ZNF638: variants seen among roughly 807,000 people sequenced by gnomAD.
ZNF638 encodes the protein zinc finger protein 638, also known as CTCL tumor antigen se33-1.
ZNF638 carries 46 observed loss-of-function variants against 195.6 expected under a neutral mutation model. The ratio of observed to expected loss-of-function variants is 0.24; its 90% confidence interval spans 0.19 to 0.30. The LOEUF is 0.30. ZNF638 is among the 10% of genes least tolerant of loss of function. ZNF638 has a pLI of 1.00. For synonymous variants in ZNF638, 845 were observed against 772.0 expected, an observed-to-expected ratio of 1.09 and a Z score of -1.57; for missense variants, 2,440 against 2,325.3, an observed-to-expected ratio of 1.05 and a Z score of -1.01.
intron 8 of ZNF638, among the ~76,000 whole-genome samples, chr2:71,379,337 C>T (rs1187177472): frequency 2.0e-5 from 3 of 152,136 alleles, no homozygotes; most frequent in Non-Finnish European, 4.4e-5. Flanking sequence ...TTAAACTGTG[C>T]CCTGTTCTGA....
chr2:71,402,236 T>TA, intron 16 of ZNF638, 149 bp downstream of exon 16: 1 of 762,620 alleles, frequency 1.3e-6, no homozygotes, highest in Non-Finnish European at 1.9e-6. Flanking sequence ...AAAACACAGA[T>TA]ATCCTGTATT....
intron 1 of ZNF638, among the ~76,000 whole-genome samples, chr2:71,335,823 T>C (rs566412334): frequency 9.2e-5 from 14 of 152,204 alleles, no homozygotes; most frequent in Non-Finnish European, 1.9e-4. Flanking sequence ...CAGACAGATA[T>C]CAAATTTCCC....
chr2:71,428,901 T>G, intron 25 of ZNF638: 1 of 312,180 alleles, frequency 3.2e-6, no homozygotes, highest in Non-Finnish European at 5.9e-6. Context: ...TGTTGCAGCA[T>G]CAGATAGAAA....
intron 6 of ZNF638, among the ~76,000 whole-genome samples, chr2:71,366,677 AG>A (rs920992047): frequency 1.3e-5 from 2 of 152,178 alleles, no homozygotes; most frequent in African/African-American, 4.8e-5. Context: ...AATCTTTTTT[AG>A]TAAGGTATAA....
In ZNF638 at chr2:71,364,217, C is replaced by G; in HGVS notation, c.1682C>G (p.Pro561Arg). The G allele has an allele frequency of 1.9e-6, 3 of 1,614,098 alleles. No individual in the cohort carries two copies. The highest frequency in any genetic ancestry group is 1.1e-5 in the South Asian group (1 of 91,072). ...CCAAAATGCTTTCGATCAGTTAGCC[C>G]TGAGAGGATGTCAAGGAGATCAGTG... ...GSPKCFRSVS[P>R]ERMSRRSVRS... is the part of the protein sequence containing the mutation. Residue 561 changes from proline to arginine, a missense_variant, in exon 5 of 28, where the codon CCT becomes CGT. Physicochemically the swap from Pro to Arg is moderately radical, Grantham distance 103. This residue lies in a region of ZNF638 where 1,883 missense variants were observed against 1,739.1 expected (regional missense o/e 1.08). Coordinates refer to ENST00000264447, the MANE Select transcript of ZNF638 (RefSeq NM_014497.5).
In ZNF638 at chr2:71,433,256, G is replaced by T. The variant is rs1185585138; in HGVS notation, c.5844G>T (p.Lys1948Asn). 1 of 1,613,776 alleles carries T rather than the reference G, an allele frequency of 6.2e-7. No individual in the cohort carries two copies. The highest frequency in any genetic ancestry group is 8.5e-7 in the Non-Finnish European group (1 of 1,179,724). ...AAAAAGCAATGACAAATCACTGCAA[G>T]AGTACACGTCATAAGCAAAATACTG... ...SGEKAMTNHC[K>N]STRHKQNTEK... The change falls in exon 27 of 28, where the codon AAG becomes AAT. Residue 1948 changes from lysine to asparagine, a missense_variant. This residue lies in a region of ZNF638 where 1,883 missense variants were observed against 1,739.1 expected (regional missense o/e 1.08). Coordinates refer to ENST00000264447, the MANE Select transcript of ZNF638 (RefSeq NM_014497.5).
rs2079246636 is a variant in ZNF638 at position 71,368,481 on chromosome 2, C to T, written c.2095C>T (p.Pro699Ser). ...AGAAGATGTGAGAAAATTATTTCAA[C>T]CATTTGGGAAAGTGAATGATGTCCT... ...TEEDVRKLFQ[P>S]FGKVNDVLIV... Residue 699 changes from proline to serine, a missense_variant, in exon 7 of 28, where the codon CCA (proline) becomes TCA (serine). By Grantham distance (74) the Pro-to-Ser change is moderately conservative. Coordinates refer to ENST00000264447, the MANE Select transcript of ZNF638 (RefSeq NM_014497.5). The T allele has an allele frequency of 1.2e-6, 2 of 1,613,400 alleles. No individual in the cohort carries two copies. Among genetic ancestry groups the T allele is most frequent in the Non-Finnish European group, 1.7e-6 (2 of 1,179,732 alleles).
At chr2:71,434,712 G>A (rs750873302) in intron 27 of ZNF638, 30 bp from the exon 28 acceptor site, 13 of 1,582,528 alleles carry the variant, frequency 8.2e-6, no homozygotes, top group Non-Finnish European at 9.5e-6. Flanking sequence ...CGTCTAATAA[G>A]TATTTTATAT....
intron 1 of ZNF638, among the ~76,000 whole-genome samples, chr2:71,339,290 T>G (rs374283649): frequency 4.6e-5 from 7 of 152,132 alleles, no homozygotes; most frequent in African/African-American, 1.7e-4. Context: ...GTGGCTGGGA[T>G]TACAGGCGCC....
intron 10 of ZNF638, among the ~76,000 whole-genome samples, chr2:71,391,083 A>G (rs907617431): frequency 1.3e-5 from 2 of 152,206 alleles, no homozygotes; most frequent in African/African-American, 4.8e-5. Context: ...TTCAGCAATT[A>G]AAAGCCAGCC....
At chr2:71,422,626 T>G (rs2080455247) in intron 21 of ZNF638, among the ~76,000 whole-genome samples, 188 bp from the exon 22 acceptor site, 1 of 152,204 alleles carries the variant, frequency 6.6e-6, no homozygotes, top group African/African-American at 2.4e-5. Context: ...ATTTACGTAT[T>G]TCCAGCAATA....
chr2:71,420,167 G>A (rs76063492), intron 21 of ZNF638, among the ~76,000 whole-genome samples: 1 of 151,450 alleles, frequency 6.6e-6, no homozygotes, highest in Admixed American at 6.6e-5. Flanking sequence ...GGCACAAGCT[G>A]TTTTCCCACC....
intron 3 of ZNF638, among the ~76,000 whole-genome samples, chr2:71,362,432 A>C (rs1461147409): frequency 6.6e-6 from 1 of 152,068 alleles, no homozygotes; most frequent in Admixed American, 6.6e-5. Context: ...ATGTTCGTTA[A>C]GTTCCCATTG....
At chr2:71,385,697 G>T (rs2079622917) in intron 10 of ZNF638, among the ~76,000 whole-genome samples, 1 of 152,186 alleles carries the variant, frequency 6.6e-6, no homozygotes, top group Non-Finnish European at 1.5e-5. Context: ...TTCTGTCTGT[G>T]ATACTGTACT....
chr2:71,410,968 T>TCCC (rs71402978), intron 20 of ZNF638, among the ~76,000 whole-genome samples: 36 of 62,996 alleles, frequency 5.7e-4, no homozygotes, highest in African/African-American at 1.1e-3. Flanking sequence ...GAAGTTTTTC[T>TCCC]CCCCACCCAC....
At chr2:71,361,767 A>G (rs1372546253) in intron 3 of ZNF638, 5 of 152,200 alleles carry the variant, frequency 3.3e-5, no homozygotes, top group Non-Finnish European at 7.3e-5. Context: ...ATTGGTTAGA[A>G]CTTACCACTG....
intron 1 of ZNF638, among the ~76,000 whole-genome samples, chr2:71,341,442 A>G (rs1025895059): frequency 8.5e-5 from 13 of 152,170 alleles, no homozygotes; most frequent in Non-Finnish European, 1.8e-4. Flanking sequence ...AATTTTGTAC[A>G]GTGTTTAATA....
intron 21 of ZNF638, 23 bp from the exon 22 acceptor site, chr2:71,422,791 T>G (rs772959831): frequency 6.3e-7 from 1 of 1,582,624 alleles, no homozygotes; most frequent in East Asian, 2.2e-5. Flanking sequence ...GTGTTCTTTT[T>G]GTTTGTTTTT....
intron 15 of ZNF638, 35 bp from the exon 16 acceptor site, chr2:71,401,921 A>G (rs773437425): frequency 1.3e-6 from 2 of 1,530,014 alleles, no homozygotes; most frequent in Non-Finnish European, 1.8e-6. Flanking sequence ...AAACAAAGAA[A>G]TTTTAATAAC....
Sources: allele counts gnomAD v4.1 joint callset (sites outside exome capture counted in the v4.1 genomes callset), GRCh38; gene constraint gnomAD v4.1.1; regional missense constraint gnomAD v4.1.1; transcripts MANE v1.5; gene names NCBI Gene and HGNC (gene_info 2026-07-23, HGNC 2026-07-21).